The following CENPN variants were observed in gnomAD, a reference collection of about 807,000 sequenced individuals.
CENPN encodes centromere protein N.
A neutral mutation model predicts 48.6 loss-of-function variants in CENPN; 36 were observed. The ratio of observed to expected loss-of-function variants is 0.74; its 90% confidence interval spans 0.57 to 0.98. The LOEUF (loss-of-function observed/expected upper bound fraction) is 0.98. Ranked by LOEUF, CENPN falls within the 50% of genes least tolerant of loss-of-function variation. The pLI is 0.00. For missense variants in CENPN, 439 were observed against 399.2 expected (o/e 1.10, Z -0.85); for synonymous variants, 166 against 135.2 (o/e 1.23, Z -1.58).
intron 1 of CENPN, chr16:81,007,514 C>T (rs1212914162): frequency 6.6e-6 from 1 of 152,184 alleles, no homozygotes; most frequent in Non-Finnish European, 1.5e-5. Context: ...TGGAGCCTTT[C>T]GTAGGCTCGC....
At chr16:81,020,391 C>A (rs758690491) in intron 6 of CENPN, 115 bp downstream of exon 6, 1 of 1,037,510 alleles carries the variant, frequency 9.6e-7, no homozygotes, top group Non-Finnish European at 1.3e-6. Flanking sequence ...GGTGCAGTGG[C>A]ATGTACCTGT....
intron 5 of CENPN, among the ~76,000 whole-genome samples, chr16:81,018,150 G>A (rs1838037024): frequency 1.3e-5 from 2 of 151,958 alleles, no homozygotes; most frequent in South Asian, 2.1e-4. Context: ...CGGCTAGTGT[G>A]ACTGAGCAGC....
chr16:81,011,030 C>T (rs1003433450), intron 1 of CENPN, among the ~76,000 whole-genome samples: 7 of 152,180 alleles, frequency 4.6e-5, no homozygotes. Flanking sequence ...CAGTGATCCC[C>T]GCAGTGCCTT....
intron 5 of CENPN, among the ~76,000 whole-genome samples, chr16:81,018,051 G>A (rs1046961586): frequency 6.6e-5 from 10 of 152,026 alleles, no homozygotes; most frequent in Admixed American, 2.0e-4. Flanking sequence ...TTTTCCAGAG[G>A]AGCTCAGTCC....
chr16:81,027,181 C>A (rs1567556186), intron 9 of CENPN, among the ~76,000 whole-genome samples: 3 of 152,084 alleles, frequency 2.0e-5, no homozygotes, highest in Admixed American at 6.6e-5. Context: ...TTAAAATCTT[C>A]CATAATTAGA....
At chr16:81,019,995 A>G (rs1300086270) in intron 5 of CENPN, 105 bp from the exon 6 acceptor site, 4 of 834,970 alleles carry the variant, frequency 4.8e-6, no homozygotes, top group Non-Finnish European at 7.1e-6. Context: ...ACCTGCATAC[A>G]AGAGTATAGG....
intron 10 of CENPN, 43 bp from the exon 11 acceptor site, chr16:81,028,526 A>G: frequency 6.3e-7 from 1 of 1,584,442 alleles, no homozygotes; most frequent in Non-Finnish European, 8.5e-7. Context: ...TCCTGTGATG[A>G]CTTTTAATTT....
chr16:81,029,604 C>G lies in CENPN; in HGVS notation c.*953C>G, dbSNP rs1179212075. Among the ~76,000 whole-genome samples, 2 of 151,856 alleles carry G rather than the reference C, an allele frequency of 1.3e-5. No homozygotes were observed. Among genetic ancestry groups the G allele is most frequent in the Non-Finnish European group, 2.9e-5 (2 of 67,950 alleles). ...TTGTTTTTTGTTTTTTGAGACAAGT[C>G]TCCTTCTATCGCCCAGGCTGGAGTG... On this transcript the variant is annotated 3_prime_UTR_variant, in exon 11 of 11. Coordinates refer to ENST00000305850, the MANE Select transcript of CENPN (RefSeq NM_001100624.3).
At chr16:81,024,620 TA>T in intron 7 of CENPN, 94 bp from the exon 8 acceptor site, 1 of 804,846 alleles carries the variant, frequency 1.2e-6, no homozygotes. Context: ...TGGAAAAAAA[TA>T]AACATTTGAC....
At chr16:81,007,659 C>T (rs969014751) in intron 1 of CENPN, among the ~76,000 whole-genome samples, 4 of 152,218 alleles carry the variant, frequency 2.6e-5, no homozygotes, top group Admixed American at 2.6e-4. Flanking sequence ...TCCCTGTACC[C>T]TCTTGCGTTG....
intron 6 of CENPN, among the ~76,000 whole-genome samples, chr16:81,021,912 G>A (rs923488621): frequency 1.3e-5 from 2 of 152,142 alleles, no homozygotes; most frequent in East Asian, 3.9e-4. Flanking sequence ...TCACCACTAT[G>A]CCTGGCTAAC....
intron 1 of CENPN, among the ~76,000 whole-genome samples, chr16:81,008,139 G>A (rs1056842358): frequency 6.6e-6 from 1 of 152,094 alleles, no homozygotes; most frequent in East Asian, 1.9e-4. Flanking sequence ...TTTAAAAATG[G>A]TCACGGGGTA....
chr16:81,011,928 AG>A lies in CENPN; in HGVS notation c.-10-1del. The A allele has an allele frequency of 6.2e-7, 1 of 1,609,280 alleles. No homozygotes were observed. The highest frequency in any genetic ancestry group is 8.5e-7 in the Non-Finnish European group (1 of 1,177,088). ...TGTTGTGCTGTTTTTGTTTTGTAAA[AG>A]TGCCAAAGAGATGGATGAGACTGTT... On this transcript the variant is annotated splice_acceptor_variant, in intron 1 of 10. Coordinates refer to ENST00000305850, the MANE Select transcript of CENPN (RefSeq NM_001100624.3). LOFTEE classifies it low-confidence loss of function (5UTR_SPLICE).
downstream of CENPN, among the ~76,000 whole-genome samples, chr16:81,032,211 A>G (rs992663605): frequency 6.7e-6 from 1 of 150,374 alleles, no homozygotes; most frequent in Non-Finnish European, 1.5e-5. Context: ...AAATCTCATT[A>G]TCTATCAAAA....
In CENPN at chr16:81,011,934, A is replaced by G. The variant is rs1322752029; in HGVS notation, c.-6A>G. The G allele has an allele frequency of 6.2e-7, 1 of 1,611,834 alleles. No individual in the cohort carries two copies. The highest frequency in any genetic ancestry group is 2.2e-5 in the East Asian group (1 of 44,834). ...GCTGTTTTTGTTTTGTAAAAGTGCC[A>G]AAGAGATGGATGAGACTGTTGCTGA... is the stretch of plus-strand genomic sequence containing the variant. On this transcript the variant is annotated 5_prime_UTR_variant, in exon 2 of 11. Transcript: ENST00000305850.
chr16:81,016,881 C>G (rs1969953246), intron 3 of CENPN: 1 of 172,558 alleles, frequency 5.8e-6, no homozygotes, highest in African/African-American at 2.4e-5. Context: ...GTAGGGTGAT[C>G]CGGGCGGGGA....
At position 81,010,744 on chromosome 16, in the gene CENPN, G is replaced by GT. The variant is rs1969704347; in HGVS notation, c.-10-1185dup. Among the ~76,000 whole-genome samples the GT allele has an allele frequency of 2.0e-5, 3 of 152,330 alleles. No individual in the cohort carries two copies. The South Asian group carries it at 6.2e-4, about 32-fold the overall frequency. The stretch of plus-strand genomic sequence containing the variant: ...GCAGTCTTGGCCGTCTCAGCTAATA[G>GT]TAACTTTGTCTTTTAGTTCCCTGGT... On this transcript the variant is annotated intron_variant, in intron 1 of 10. Transcript: ENST00000305850.
At chr16:81,024,800 A>C (rs745539642) in intron 8 of CENPN, 22 bp downstream of exon 8, 1 of 1,534,580 alleles carries the variant, frequency 6.5e-7, no homozygotes, top group South Asian at 1.2e-5. Context: ...TTAATATGAA[A>C]CTGAATTTTG....
At chr16:81,024,858 A>G in intron 8 of CENPN, 80 bp downstream of exon 8, 2 of 868,632 alleles carry the variant, frequency 2.3e-6, no homozygotes, top group Middle Eastern at 4.7e-4. Context: ...TAAAACGTGT[A>G]TAGTAGGATC....
Sources: gnomAD v4.1 joint callset for allele counts (sites outside exome capture counted in the v4.1 genomes callset) on GRCh38, gnomAD v4.1.1 for gene constraint, MANE v1.5 for transcripts, NCBI Gene and HGNC (gene_info 2026-07-23, HGNC 2026-07-21) for gene names.